Variants in ERBB4 observed in about 807,000 individuals in gnomAD.
ERBB4 encodes the protein erb-b2 receptor tyrosine kinase 4.
Under a neutral mutation model 158.0 loss-of-function variants are expected in ERBB4, and 42 were observed. That is an observed-to-expected ratio of 0.27 (90% confidence interval 0.21 to 0.34). ERBB4 has a LOEUF of 0.34. Ranked by LOEUF, ERBB4 falls within the 10% of genes least tolerant of loss-of-function variation. The pLI, the probability that ERBB4 is intolerant of heterozygous loss-of-function variation, is 1.00. For missense variants in ERBB4, 1,333 were observed against 1,624.1 expected, an observed-to-expected ratio of 0.82 and a Z score of 3.08; for synonymous variants, 583 against 558.7, an observed-to-expected ratio of 1.04 and a Z score of -0.61.
chr2:211,579,713 C>T (rs546382369), intron 19 of ERBB4, among the ~76,000 whole-genome samples: 1 of 151,936 alleles, frequency 6.6e-6, no homozygotes, highest in Non-Finnish European at 1.5e-5. Flanking sequence ...AAACCAAATA[C>T]TGCATGTTCT....
chr2:211,845,709 ACT>A (rs1407258963), intron 3 of ERBB4, among the ~76,000 whole-genome samples: 2 of 151,986 alleles, frequency 1.3e-5, no homozygotes, highest in African/African-American at 2.4e-5. Context: ...AAAAAAGAAG[ACT>A]CTGTATTTTA....
intron 25 of ERBB4, among the ~76,000 whole-genome samples, chr2:211,413,312 ACACACACACACACACACACAC>A (rs2063308082): frequency 1.1e-5 from 1 of 89,844 alleles, no homozygotes; most frequent in Non-Finnish European, 2.7e-5. Flanking sequence ...TCTTAAAAAC[ACACACACACACACACACACAC>A]ACACACACAC....
At chr2:212,064,811 T>C (rs1333505787) in intron 2 of ERBB4, among the ~76,000 whole-genome samples, 1 of 151,936 alleles carries the variant, frequency 6.6e-6, no homozygotes, top group African/African-American at 2.4e-5. Flanking sequence ...TAAAGAAAGG[T>C]ATTGAGACCA....
chr2:211,958,753 G>A (rs2081095903), intron 2 of ERBB4, among the ~76,000 whole-genome samples: 1 of 152,030 alleles, frequency 6.6e-6, no homozygotes, highest in Admixed American at 6.6e-5. Flanking sequence ...TTTGATTTAA[G>A]AATAACATTC....
At chr2:211,699,049 G>A (rs2073132088) in intron 12 of ERBB4, among the ~76,000 whole-genome samples, 1 of 152,118 alleles carries the variant, frequency 6.6e-6, no homozygotes, top group Non-Finnish European at 1.5e-5. Flanking sequence ...CGTCATTACT[G>A]TTTTAAATCA....
chr2:212,395,838 C>T (rs1468631685), intron 1 of ERBB4, among the ~76,000 whole-genome samples: 4 of 151,906 alleles, frequency 2.6e-5, no homozygotes, highest in African/African-American at 9.7e-5. Context: ...AGGATGGTCT[C>T]GATCTCTTGA....
chr2:212,070,749 A>G (rs993493572), intron 2 of ERBB4, among the ~76,000 whole-genome samples: 3 of 152,010 alleles, frequency 2.0e-5, no homozygotes, highest in African/African-American at 7.2e-5. Context: ...AGAAAAAAGG[A>G]AAGTAGATCT....
chr2:211,430,782 A>G (rs2063732287), intron 21 of ERBB4, among the ~76,000 whole-genome samples, 163 bp downstream of exon 21: 1 of 151,876 alleles, frequency 6.6e-6, no homozygotes. Context: ...ATATATACAC[A>G]CACATATATA....
rs16848114 is a variant in ERBB4 at position 212,257,413 on chromosome 2, A to C, written c.83-132510T>G. Among the ~76,000 whole-genome samples, 2,705 of 152,264 alleles carry C rather than the reference A, an allele frequency of 0.018. 279 individuals carry two copies. The East Asian group carries it at 0.31, about 17-fold the overall frequency. On this transcript the variant is annotated intron_variant, in intron 1 of 27. Transcript: ENST00000342788. ...AACAGTTAAGATAATTCTAACAAAG[A>C]ATCATTAATAATCAGCAAACTAACT...
At chr2:212,348,841 C>A (rs920970348) in intron 1 of ERBB4, among the ~76,000 whole-genome samples, 13 of 152,022 alleles carry the variant, frequency 8.6e-5, no homozygotes, top group African/African-American at 2.9e-4. Context: ...TAATGACAGG[C>A]AATGAAACTT....
At chr2:212,425,478 T>C (rs1473033159) in intron 1 of ERBB4, among the ~76,000 whole-genome samples, 1 of 144,376 alleles carries the variant, frequency 6.9e-6, no homozygotes, top group Non-Finnish European at 1.5e-5. Flanking sequence ...AGTAATTGTA[T>C]ATTTCTCCAA....
At chr2:212,203,063 G>A (rs564972333) in intron 1 of ERBB4, among the ~76,000 whole-genome samples, 12 of 151,908 alleles carry the variant, frequency 7.9e-5, no homozygotes, top group South Asian at 2.1e-4. Context: ...AAAAGTGAAC[G>A]AGTCAGAAAT....
chr2:212,161,022 A>G (rs2081188243), intron 1 of ERBB4, among the ~76,000 whole-genome samples: 1 of 152,060 alleles, frequency 6.6e-6, no homozygotes, highest in Non-Finnish European at 1.5e-5. Flanking sequence ...TGCATCACTG[A>G]AAAGTGATAT....
At chr2:212,447,005 T>A (rs1317104346) in intron 1 of ERBB4, among the ~76,000 whole-genome samples, 1 of 151,374 alleles carries the variant, frequency 6.6e-6, no homozygotes, top group Non-Finnish European at 1.5e-5. Flanking sequence ...CTTTTTTTTT[T>A]TTTTTTATTT....
chr2:212,508,799 T>C (rs1441308541), intron 1 of ERBB4, among the ~76,000 whole-genome samples: 1 of 152,130 alleles, frequency 6.6e-6, no homozygotes, highest in African/African-American at 2.4e-5. Flanking sequence ...ATCTTCCTCC[T>C]AGCATTTCTC....
At chr2:211,545,794 C>A (rs756402038) in intron 20 of ERBB4, among the ~76,000 whole-genome samples, 2 of 152,036 alleles carry the variant, frequency 1.3e-5, no homozygotes, top group Admixed American at 6.6e-5. Context: ...TACAATTAGC[C>A]TTGTCAAGGC....
intron 5 of ERBB4, among the ~76,000 whole-genome samples, chr2:211,740,942 T>C (rs1253604097): frequency 6.6e-6 from 1 of 152,186 alleles, no homozygotes; most frequent in African/African-American, 2.4e-5. Flanking sequence ...AATTGATTAA[T>C]TTGAAAAAGA....
At chr2:212,515,463 G>C (rs962651662) in intron 1 of ERBB4, among the ~76,000 whole-genome samples, 1 of 151,816 alleles carries the variant, frequency 6.6e-6, no homozygotes, top group Non-Finnish European at 1.5e-5. Flanking sequence ...TGTTTTAATA[G>C]AATCTCAGAA....
rs562615632 is a variant in ERBB4, at chr2:211,808,320, G to A, written c.422-20161C>T. Among the ~76,000 whole-genome samples, 23 of 152,176 alleles carry A rather than the reference G, an allele frequency of 1.5e-4. No homozygotes were observed. In the South Asian group the frequency reaches 1.7e-3, roughly 11 times the overall value. On this transcript the variant is annotated intron_variant, in intron 3 of 27. Transcript: ENST00000342788. ...ATTTTTGAATAAAGTGTAAGGAAGG[G>A]ATCCAGTTTCAGCTTTCTACATATG...
Sources: gnomAD v4.1 joint callset for allele counts (sites outside exome capture counted in the v4.1 genomes callset) on GRCh38, gnomAD v4.1.1 for gene constraint, MANE v1.5 for transcripts, NCBI Gene and HGNC (gene_info 2026-07-23, HGNC 2026-07-21) for gene names.